The following SCD5 variants were observed in gnomAD, a reference collection of about 807,000 sequenced individuals.
SCD5 encodes stearoyl-CoA desaturase 5, also known as acyl-CoA-desaturase 4.
In SCD5, 20 loss-of-function variants were observed where a neutral mutation model predicts 30.4. The ratio of observed to expected loss-of-function variants is 0.66; its 90% CI spans 0.46 to 0.96. The LOEUF (loss-of-function observed/expected upper bound fraction) is 0.96, where lower values mean the gene tolerates loss of function less well. Among genes scored for constraint, SCD5 ranks in the 40% least tolerant of loss-of-function variants. The probability of loss-of-function intolerance (pLI) is 0.00; values close to 1 mark genes in which losing one functional copy is unlikely to be tolerated. For missense variants in SCD5, 381 were observed against 443.3 expected, an observed-to-expected ratio of 0.86 and a Z score of 1.26; for synonymous variants, 173 against 176.4, an observed-to-expected ratio of 0.98 and a Z score of 0.16.
At chr4:82,782,646 C>T (rs899973277) in intron 1 of SCD5, among the ~76,000 whole-genome samples, 1 of 152,144 alleles carries the variant, frequency 6.6e-6, no homozygotes, top group South Asian at 2.1e-4. Flanking sequence ...CATCCCCACC[C>T]CCATCCTCCC....
chr4:82,791,251 T>C lies in SCD5; in HGVS notation c.232+7055A>G, dbSNP rs1722094338. Among the ~76,000 whole-genome samples, 6 of 151,572 alleles carry C rather than the reference T, an allele frequency of 4.0e-5. No individual in the cohort carries two copies. In the South Asian group the frequency reaches 1.3e-3, roughly 32 times the overall value. ...AGACTCCATCTCAAAAAAAAAAAGA[T>C]TAGTGGATGAATGAATATGTGCCTG... On this transcript the variant is annotated intron_variant, in intron 1 of 4. Transcript: ENST00000319540.
chr4:82,689,594 C>T (rs1174510454), intron 2 of SCD5, among the ~76,000 whole-genome samples: 1 of 152,080 alleles, frequency 6.6e-6, no homozygotes, highest in Non-Finnish European at 1.5e-5. Context: ...AATAGAGTTA[C>T]AAAATCACCA....
At chr4:82,710,995 C>T (rs548395940) in intron 1 of SCD5, among the ~76,000 whole-genome samples, 28 of 152,296 alleles carry the variant, frequency 1.8e-4, no homozygotes, top group Middle Eastern at 6.8e-3. Flanking sequence ...TCACTTATCA[C>T]TGTGACAATT....
intron 3 of SCD5, among the ~76,000 whole-genome samples, chr4:82,662,581 C>A (rs1380496801): frequency 6.6e-6 from 1 of 151,284 alleles, no homozygotes; most frequent in Non-Finnish European, 1.5e-5. Context: ...AAGATGGGGC[C>A]GGGTATGGTG....
intron 3 of SCD5, among the ~76,000 whole-genome samples, chr4:82,645,746 A>T (rs184465088): frequency 9.2e-5 from 14 of 152,338 alleles, no homozygotes; most frequent in African/African-American, 3.1e-4. Context: ...CTTTTCAATT[A>T]CTTCAGCTCC....
intron 1 of SCD5, among the ~76,000 whole-genome samples, chr4:82,783,281 C>T (rs1181459510): frequency 2.0e-5 from 3 of 152,124 alleles, no homozygotes; most frequent in Non-Finnish European, 4.4e-5. Flanking sequence ...AAGGTTGCCC[C>T]CAAAGTTTTC....
intron 1 of SCD5, among the ~76,000 whole-genome samples, chr4:82,726,954 T>G (rs368504611): frequency 5.1e-4 from 77 of 152,330 alleles, no homozygotes; most frequent in African/African-American, 1.8e-3. Flanking sequence ...CACCTGTCAA[T>G]TGCTGCCCAA....
intron 3 of SCD5, among the ~76,000 whole-genome samples, chr4:82,670,134 A>C (rs1372313297): frequency 6.6e-6 from 1 of 152,210 alleles, no homozygotes. Context: ...AAAGGCAAAA[A>C]CCAAAGCAAA....
chr4:82,680,939 AAG>A (rs759684815), intron 2 of SCD5, 27 bp from the exon 3 acceptor site: 1 of 1,600,892 alleles, frequency 6.2e-7, no homozygotes, highest in Non-Finnish European at 8.5e-7. Context: ...AGCCTGAGTG[AAG>A]AGAGGAACCG....
intron 3 of SCD5, among the ~76,000 whole-genome samples, chr4:82,671,041 T>C (rs904468051): frequency 8.6e-5 from 13 of 152,022 alleles, no homozygotes; most frequent in African/African-American, 2.9e-4. Flanking sequence ...ACTAAACGAA[T>C]GGAGAAAGAT....
At chr4:82,729,737 C>G (rs1218889708) in intron 1 of SCD5, among the ~76,000 whole-genome samples, 2 of 152,144 alleles carry the variant, frequency 1.3e-5, no homozygotes, top group Non-Finnish European at 2.9e-5. Context: ...CTGCCCTCCC[C>G]CTATTTACCT....
chr4:82,658,467 CTT>C (rs33912415), intron 3 of SCD5, among the ~76,000 whole-genome samples: 10 of 105,544 alleles, frequency 9.5e-5, no homozygotes, highest in African/African-American at 2.3e-4. Context: ...GGTGGATAAG[CTT>C]TTTTTTTTTT....
At chr4:82,724,462 A>G (rs1457970334) in intron 1 of SCD5, among the ~76,000 whole-genome samples, 1 of 152,184 alleles carries the variant, frequency 6.6e-6, no homozygotes, top group East Asian at 1.9e-4. Flanking sequence ...TAGAAAAAAT[A>G]AATAAATAAA....
intron 2 of SCD5, among the ~76,000 whole-genome samples, chr4:82,703,681 T>A (rs1719906407): frequency 6.6e-6 from 1 of 152,182 alleles, no homozygotes; most frequent in Non-Finnish European, 1.5e-5. Flanking sequence ...ACAAGTAGTT[T>A]CATGAGAAAA....
chr4:82,702,183 C>T (rs1197649235), intron 2 of SCD5, among the ~76,000 whole-genome samples: 1 of 133,898 alleles, frequency 7.5e-6, no homozygotes, highest in Non-Finnish European at 1.5e-5. Context: ...CTCACTCTGT[C>T]GCCCAGGCTG....
At chr4:82,715,738 TTGA>T (rs1326182486) in intron 1 of SCD5, among the ~76,000 whole-genome samples, 3 of 151,626 alleles carry the variant, frequency 2.0e-5, no homozygotes, top group Non-Finnish European at 4.4e-5. Context: ...GAGGAAAAAC[TTGA>T]TGACCAGAAA....
chr4:82,743,614 C>T (rs1720924117), intron 1 of SCD5, among the ~76,000 whole-genome samples: 1 of 152,126 alleles, frequency 6.6e-6, no homozygotes, highest in Admixed American at 6.5e-5. Context: ...TTCTACCTCC[C>T]AGGCTTGAGC....
intron 3 of SCD5, among the ~76,000 whole-genome samples, chr4:82,675,474 C>T (rs1435209086): frequency 6.6e-6 from 1 of 152,150 alleles, no homozygotes; most frequent in East Asian, 1.9e-4. Flanking sequence ...AATATTTATA[C>T]ATTTTGATCT....
intron 3 of SCD5, among the ~76,000 whole-genome samples, chr4:82,673,918 T>C (rs533639661): frequency 1.3e-5 from 2 of 152,160 alleles, no homozygotes; most frequent in Admixed American, 1.3e-4. Context: ...GTAGTCTTTT[T>C]AACAAATTAT....
Sources: allele counts gnomAD v4.1 joint callset (sites outside exome capture counted in the v4.1 genomes callset), GRCh38; gene constraint gnomAD v4.1.1; transcripts MANE v1.5; gene names NCBI Gene and HGNC (gene_info 2026-07-23, HGNC 2026-07-21).